Variants in PCSK6 observed in about 807,000 individuals in gnomAD.
PCSK6 encodes proprotein convertase subtilisin/kexin type 6.
In PCSK6, 85 loss-of-function variants were observed where a neutral mutation model predicts 123.3. The observed-to-expected ratio is 0.69, with a 90% CI of 0.58 to 0.83. The LOEUF is 0.83. Among genes scored for constraint, PCSK6 ranks in the 40% least tolerant of loss-of-function variants. The probability of loss-of-function intolerance (pLI) is 0.00; values close to 1 mark genes in which losing one functional copy is unlikely to be tolerated. For synonymous variants in PCSK6, 508 were observed against 516.0 expected (o/e 0.98, Z 0.21); for missense variants, 1,191 against 1,282.3 (o/e 0.93, Z 1.09).
At chr15:101,427,038 A>G (rs1202924606) in intron 6 of PCSK6, among the ~76,000 whole-genome samples, 3 of 152,194 alleles carry the variant, frequency 2.0e-5, no homozygotes, top group Non-Finnish European at 4.4e-5. Context: ...GGTCAGTGAC[A>G]TGCACCTAGA....
chr15:101,427,400 T>C (rs1463553097), intron 6 of PCSK6, among the ~76,000 whole-genome samples: 1 of 151,990 alleles, frequency 6.6e-6, no homozygotes, highest in Non-Finnish European at 1.5e-5. Context: ...CAGGCATCAA[T>C]CGGGAAGACC....
chr15:101,462,008 T>C (rs1272146616), intron 1 of PCSK6, among the ~76,000 whole-genome samples: 1 of 152,170 alleles, frequency 6.6e-6, no homozygotes, highest in African/African-American at 2.4e-5. Flanking sequence ...TAAAGATTGA[T>C]TAGGGAGAGA....
intron 1 of PCSK6, among the ~76,000 whole-genome samples, chr15:101,480,610 C>T (rs984908192): frequency 1.3e-5 from 2 of 152,198 alleles, no homozygotes; most frequent in African/African-American, 2.4e-5. Context: ...GCTCAAAGGG[C>T]AGAGGCACAA....
intron 1 of PCSK6, among the ~76,000 whole-genome samples, chr15:101,476,409 T>C (rs978201028): frequency 2.0e-5 from 3 of 152,140 alleles, no homozygotes; most frequent in Admixed American, 6.6e-5. Context: ...ACAAAACATG[T>C]TGCATCTCTA....
At chr15:101,324,140 CT>C (rs758102710) in intron 17 of PCSK6, among the ~76,000 whole-genome samples, 90 of 152,364 alleles carry the variant, frequency 5.9e-4, no homozygotes, top group Non-Finnish European at 1.0e-3. Context: ...GCCTTTGCCC[CT>C]GCTCAGCTTT....
chr15:101,458,025 G>A (rs138096879), intron 1 of PCSK6, among the ~76,000 whole-genome samples: 7 of 152,144 alleles, frequency 4.6e-5, no homozygotes, highest in South Asian at 2.1e-4. Flanking sequence ...CCCGTGGTAC[G>A]TCCCTCCAGA....
At position 101,388,049 on chromosome 15, in the gene PCSK6, T is replaced by C. The variant is rs115623135; in HGVS notation, c.1310+1415A>G. 5.8e-3 allele frequency among the ~76,000 whole-genome samples: 890 copies of C among 152,290 alleles called. 11 individuals are homozygous for C. The highest frequency in any genetic ancestry group is 0.019 in the African/African-American group (810 of 41,554). On this transcript the variant is annotated intron_variant, in intron 9 of 21. Transcript: ENST00000611716. ...CCACTGACCAAGTTTAAGGGGACAA[T>C]GCGCCCCGGAGCAGGGTTTGTTTTC...
At chr15:101,400,076 T>A (rs1044922207) in intron 6 of PCSK6, among the ~76,000 whole-genome samples, 1 of 152,164 alleles carries the variant, frequency 6.6e-6, no homozygotes, top group African/African-American at 2.4e-5. Flanking sequence ...CAGGCTGGAA[T>A]GCAGTGACAC....
At chr15:101,384,504 G>T in intron 9 of PCSK6, 79 bp from the exon 10 acceptor site, 2 of 1,204,348 alleles carry the variant, frequency 1.7e-6, no homozygotes, top group South Asian at 1.5e-5. Flanking sequence ...GCAGGGGGTC[G>T]GCAGCCAACC....
intron 13 of PCSK6, among the ~76,000 whole-genome samples, chr15:101,338,634 T>A (rs2040535718): frequency 6.6e-6 from 1 of 152,240 alleles, no homozygotes; most frequent in African/African-American, 2.4e-5. Context: ...TATTTACTAT[T>A]CAAGATACTC....
At chr15:101,485,416 T>C (rs759816781) in intron 1 of PCSK6, among the ~76,000 whole-genome samples, 20 of 152,264 alleles carry the variant, frequency 1.3e-4, no homozygotes, top group Admixed American at 3.9e-4. Flanking sequence ...TTTGTTTACA[T>C]AGAATTTTTA....
At position 101,313,435 on chromosome 15, in the gene PCSK6, G is replaced by A. The variant is rs759446386; in HGVS notation, c.2640C>T (p.Ala880=). Residue 880 remains alanine (A), a synonymous_variant, in exon 20 of 22, where the codon GCC becomes GCT. Coordinates refer to ENST00000611716, the MANE Select transcript of PCSK6 (RefSeq NM_002570.5). ...FHFHDWKCVP[A]CGEGFYPEEM... is the part of the protein sequence containing the mutation. ...CTTCTGGGTAGAAGCCCTCACCACA[G>A]GCTGGCACACACTTCCAGTCGTGGA... 1.2e-6 allele frequency: 2 copies of A among 1,612,378 alleles called. No individual in the cohort carries two copies. Among genetic ancestry groups the A allele is most frequent in the African/African-American group, 2.7e-5 (2 of 74,940 alleles).
chr15:101,443,557 TG>T lies in PCSK6; in HGVS notation c.400del (p.Gln134ArgfsTer2). On this transcript the variant is annotated frameshift_variant and splice_region_variant, in exon 2 of 22. Transcript: ENST00000611716. LOFTEE classifies it high-confidence loss of function. ...GPHTFLRMDP[Q>X]VKWLQQQEVK... ...GGAAAGCATCCGGACACTCTGTACC[TG>T]GGGGTCCATTCTGAGGAAGGTGTGA... 6.2e-7 allele frequency: 1 copy of T among 1,606,780 alleles called. No homozygotes were observed. Among genetic ancestry groups the T allele is most frequent in the Non-Finnish European group, 8.5e-7 (1 of 1,173,276 alleles).
At chr15:101,327,737 G>A (rs57208713) in intron 15 of PCSK6, among the ~76,000 whole-genome samples, 1,660 of 152,264 alleles carry the variant, frequency 0.011, 30 homozygotes, top group African/African-American at 0.038. Context: ...TCGTCTTGAA[G>A]TCTCCAGACC....
At chr15:101,360,637 T>C (rs113846671) in intron 13 of PCSK6, among the ~76,000 whole-genome samples, 2 of 106,488 alleles carry the variant, frequency 1.9e-5, no homozygotes, top group Admixed American at 9.1e-5. Flanking sequence ...CCAGGGGCCT[T>C]AGCATCCCCT....
Position 101,340,352 on chromosome 15 carries a change from G to A in PCSK6, c.1859-8321C>T, listed in dbSNP as rs191779634. ...TATTTTAAATGCCAGGAAAAGGATC[G>A]AAGAATCCTAAACAAATATCCTTTC... is the stretch of plus-strand genomic sequence containing the variant. On this transcript the variant is annotated intron_variant, in intron 13 of 21. Coordinates refer to ENST00000611716, the MANE Select transcript of PCSK6 (RefSeq NM_002570.5). 1.2e-4 allele frequency among the ~76,000 whole-genome samples: 19 copies of A among 152,290 alleles called. No individual in the cohort carries two copies. In the East Asian group the frequency reaches 2.1e-3, roughly 17 times the overall value.
intron 1 of PCSK6, among the ~76,000 whole-genome samples, chr15:101,470,908 G>T (rs1458731068): frequency 1.3e-5 from 2 of 152,196 alleles, no homozygotes; most frequent in Non-Finnish European, 2.9e-5. Context: ...CACAAAGTCA[G>T]CAATTCAAAT....
intron 18 of PCSK6, among the ~76,000 whole-genome samples, chr15:101,319,214 C>T (rs34256009): frequency 0.16 from 23,764 of 152,206 alleles, 1,960 homozygotes; most frequent in African/African-American, 0.2. Flanking sequence ...GTCTGGCACA[C>T]AGCAGTGTGA....
At chr15:101,416,553 AT>A (rs1248740289) in intron 6 of PCSK6, among the ~76,000 whole-genome samples, 3 of 152,248 alleles carry the variant, frequency 2.0e-5, no homozygotes, top group South Asian at 4.1e-4. Context: ...CCCCAAGACC[AT>A]GGGAAAATGT....
Sources: allele counts gnomAD v4.1 joint callset (sites outside exome capture counted in the v4.1 genomes callset), GRCh38; gene constraint gnomAD v4.1.1; transcripts MANE v1.5; gene names NCBI Gene and HGNC (gene_info 2026-07-23, HGNC 2026-07-21).